Variants in COBLL1 observed in about 807,000 individuals in gnomAD.
COBLL1 encodes cordon-bleu protein-like 1.
COBLL1 carries 50 observed loss-of-function variants against 94.8 expected under a neutral mutation model. The ratio of observed to expected loss-of-function variants is 0.53; its 90% CI spans 0.42 to 0.67. The LOEUF (loss-of-function observed/expected upper bound fraction) is 0.67, where lower values mean the gene tolerates loss of function less well. COBLL1 is among the 30% of genes least tolerant of loss of function. The probability of loss-of-function intolerance (pLI) is 0.00; values close to 1 mark genes in which losing one functional copy is unlikely to be tolerated. For synonymous variants in COBLL1, 448 were observed against 473.8 expected (o/e 0.95, Z 0.71); for missense variants, 1,362 against 1,348.7 (o/e 1.01, Z -0.15).
At chr2:164,713,063 G>T (rs866593372) in intron 7 of COBLL1, among the ~76,000 whole-genome samples, 2 of 152,064 alleles carry the variant, frequency 1.3e-5, no homozygotes, top group Non-Finnish European at 2.9e-5. Context: ...TGGGGTGGGG[G>T]AAGTTTATTT....
intron 7 of COBLL1, among the ~76,000 whole-genome samples, chr2:164,714,691 A>G (rs1685076377): frequency 6.6e-6 from 1 of 152,168 alleles, no homozygotes; most frequent in African/African-American, 2.4e-5. Flanking sequence ...GCCTGCTTCT[A>G]TCTGCCCTGG....
chr2:164,695,333 G>C lies in COBLL1; in HGVS notation c.2059C>G (p.Pro687Ala). 6.2e-7 allele frequency: 1 copy of C among 1,613,892 alleles called. No homozygotes were observed. The highest frequency in any genetic ancestry group is 1.1e-5 in the South Asian group (1 of 91,078). Reference protein sequence around the residue: ...ICAHGNDDLLPPVDRIDKNST... With the variant: ...ICAHGNDDLLAPVDRIDKNST... ...TTTTTGTCAATCCTATCTACAGGAGGCAAAAGATCATCATTACCATGTGCA... is the reference window on the plus strand; with the variant it reads ...TTTTTGTCAATCCTATCTACAGGAGCCAAAAGATCATCATTACCATGTGCA... Residue 687 changes from proline (P) to alanine (A), a missense_variant, in exon 12 of 14, where the codon CCT (proline) becomes GCT (alanine). Coordinates refer to ENST00000652658, the MANE Select transcript of COBLL1 (RefSeq NM_001365672.2).
At chr2:164,801,300 G>C (rs1450811817) in intron 2 of COBLL1, among the ~76,000 whole-genome samples, 3 of 150,906 alleles carry the variant, frequency 2.0e-5, no homozygotes, top group Non-Finnish European at 4.4e-5. Context: ...TTAGCCGGGC[G>C]TGGTAGCGGG....
Position 164,695,307 on chromosome 2 carries a change from A to T in COBLL1, c.2085T>A (p.Asn695Lys), listed in dbSNP as rs753446883. 4.0e-5 allele frequency: 64 copies of T among 1,613,742 alleles called. No homozygotes were observed. The Middle Eastern group carries it at 4.9e-4, about 12-fold the overall frequency. The change falls in exon 12 of 14, where the codon AAT becomes AAA. Residue 695 changes from asparagine to lysine, a missense_variant. Coordinates refer to ENST00000652658, the MANE Select transcript of COBLL1 (RefSeq NM_001365672.2). ...AATTCTTTAGGTAAGAAGCAGTGGA[A>T]TTTTTGTCAATCCTATCTACAGGAG... ...LLPPVDRIDK[N>K]STASYLKNYP...
chr2:164,711,002 G>C (rs1255954960), intron 7 of COBLL1, among the ~76,000 whole-genome samples: 1 of 152,138 alleles, frequency 6.6e-6, no homozygotes, highest in Non-Finnish European at 1.5e-5. Context: ...TAGTTGGAGA[G>C]AGGCTTACAG....
At chr2:164,757,672 C>T (rs775798425) in intron 2 of COBLL1, among the ~76,000 whole-genome samples, 3 of 151,858 alleles carry the variant, frequency 2.0e-5, no homozygotes, top group Admixed American at 6.6e-5. Flanking sequence ...TTAGACCAGG[C>T]GTGGTGGTTC....
chr2:164,676,779 G>A (rs369016806), downstream of COBLL1, among the ~76,000 whole-genome samples: 3 of 151,452 alleles, frequency 2.0e-5, no homozygotes, highest in African/African-American at 7.3e-5. Flanking sequence ...CTGAATTTCT[G>A]GCCACTTCCA....
At chr2:164,770,390 A>C (rs1356431098) in intron 2 of COBLL1, among the ~76,000 whole-genome samples, 3 of 152,256 alleles carry the variant, frequency 2.0e-5, no homozygotes, top group South Asian at 4.1e-4. Flanking sequence ...AAGAAACACT[A>C]ACTTATCAAA....
intron 2 of COBLL1, among the ~76,000 whole-genome samples, chr2:164,760,117 T>C (rs934802672): frequency 1.3e-5 from 2 of 152,184 alleles, no homozygotes; most frequent in East Asian, 1.9e-4. Flanking sequence ...GGCTGCTTTC[T>C]TCATAAAGAC....
At chr2:164,751,122 T>C (rs1558980340) in intron 2 of COBLL1, among the ~76,000 whole-genome samples, 1 of 152,120 alleles carries the variant, frequency 6.6e-6, no homozygotes, top group Non-Finnish European at 1.5e-5. Flanking sequence ...AGATAAAATA[T>C]TTCCTCCTCT....
intron 9 of COBLL1, among the ~76,000 whole-genome samples, chr2:164,702,223 C>T (rs1300595642): frequency 6.6e-6 from 1 of 151,946 alleles, no homozygotes; most frequent in African/African-American, 2.4e-5. Flanking sequence ...AATAATGTGT[C>T]TACGATAGCA....
intron 2 of COBLL1, among the ~76,000 whole-genome samples, chr2:164,779,053 G>T (rs886587887): frequency 2.0e-5 from 3 of 152,118 alleles, no homozygotes; most frequent in Non-Finnish European, 2.9e-5. Flanking sequence ...AGTCATATTG[G>T]AAACATGGTC....
At chr2:164,732,365 C>T (rs1299566439) in intron 3 of COBLL1, among the ~76,000 whole-genome samples, 1 of 152,156 alleles carries the variant, frequency 6.6e-6, no homozygotes, top group Admixed American at 6.5e-5. Context: ...TTTTAAATTT[C>T]ATCCAGAGAG....
At chr2:164,673,684 A>G (rs1691285944) in intron 1 of COBLL1, among the ~76,000 whole-genome samples, 2 of 151,704 alleles carry the variant, frequency 1.3e-5, no homozygotes, top group South Asian at 4.1e-4. Context: ...AAATAAAAAT[A>G]AATAAATAAA....
chr2:164,697,481 C>T (rs767250249), intron 11 of COBLL1: 3 of 152,052 alleles, frequency 2.0e-5, no homozygotes, highest in Admixed American at 6.6e-5. Context: ...CAGTTATAAG[C>T]ATGAAAGAAT....
rs554248890 is a variant in COBLL1 at position 164,819,822 on chromosome 2, TTTTG to T, written c.41+21330_41+21333del. 2.2e-3 allele frequency among the ~76,000 whole-genome samples: 341 copies of T among 151,836 alleles called. 1 individual carries two copies. Among genetic ancestry groups the T allele is most frequent in the African/African-American group, 7.7e-3 (317 of 41,434 alleles). ...TGCCACTGTTTTTTTTTTGTTTTGT[TTTTG>T]TTTGTTTGTTTGTTTTTGAGACAGA... On this transcript the variant is annotated intron_variant, in intron 2 of 13. Transcript: ENST00000652658.
chr2:164,805,391 G>C (rs536374260), intron 2 of COBLL1, among the ~76,000 whole-genome samples: 2 of 117,760 alleles, frequency 1.7e-5, no homozygotes, highest in Non-Finnish European at 3.4e-5. Context: ...TTACATTAGG[G>C]TTCACGCTTT....
intron 10 of COBLL1, 53 bp from the exon 11 acceptor site, chr2:164,699,552 TACAC>T: frequency 3.1e-6 from 3 of 966,046 alleles, no homozygotes; most frequent in East Asian, 2.4e-5. Flanking sequence ...AACACACACA[TACAC>T]ACACACACAG....
At position 164,836,840 on chromosome 2, in the gene COBLL1, G is replaced by A. The variant is rs184870686; in HGVS notation, c.41+4316C>T. On this transcript the variant is annotated intron_variant, in intron 2 of 13. Transcript: ENST00000652658. ...GTCACACACTACAATCACCTGAGCA[G>A]CATTTTAAAACTAGCCATCCCCTGG... Among the ~76,000 whole-genome samples the A allele has an allele frequency of 1.2e-4, 18 of 152,264 alleles. No individual in the cohort carries two copies. The East Asian group carries it at 2.3e-3, about 20-fold the overall frequency.
Sources: gnomAD v4.1 joint callset for allele counts (sites outside exome capture counted in the v4.1 genomes callset) on GRCh38, gnomAD v4.1.1 for gene constraint, MANE v1.5 for transcripts, NCBI Gene and HGNC (gene_info 2026-07-23, HGNC 2026-07-21) for gene names.